Variants in MAGI1 observed in about 807,000 individuals in gnomAD.
MAGI1 encodes membrane-associated guanylate kinase, WW and PDZ domain-containing protein 1.
MAGI1 carries 58 observed loss-of-function variants against 139.9 expected under a neutral mutation model. The ratio of observed to expected loss-of-function variants is 0.41; its 90% CI spans 0.34 to 0.52. MAGI1 has a LOEUF of 0.52. MAGI1 is among the 20% of genes least tolerant of loss of function. The probability of loss-of-function intolerance (pLI) is 0.12; values close to 1 mark genes in which losing one functional copy is unlikely to be tolerated. For synonymous variants in MAGI1, 812 were observed against 737.9 expected (o/e 1.10, Z -1.63); for missense variants, 1,874 against 1,901.6 (o/e 0.99, Z 0.27).
intron 3 of MAGI1, 47 bp from the exon 4 acceptor site, chr3:65,478,845 G>T (rs1951063082): frequency 1.4e-6 from 2 of 1,443,384 alleles, no homozygotes; most frequent in Non-Finnish European, 1.9e-6. Flanking sequence ...GGAATACTTT[G>T]TGTTTTTTTT....
At chr3:65,463,768 G>T (rs761335003) in intron 5 of MAGI1, among the ~76,000 whole-genome samples, 1 of 151,978 alleles carries the variant, frequency 6.6e-6, no homozygotes, top group Non-Finnish European at 1.5e-5. Context: ...GGCTTTTTTT[G>T]GTTGGTAGGT....
At chr3:65,829,502 C>T (rs76165606) in intron 1 of MAGI1, among the ~76,000 whole-genome samples, 40 of 152,256 alleles carry the variant, frequency 2.6e-4, no homozygotes, top group Admixed American at 1.4e-3. Context: ...CAATCTATGA[C>T]GAAGAAGACC....
At chr3:65,504,506 G>C (rs890477328) in intron 2 of MAGI1, among the ~76,000 whole-genome samples, 19 of 152,256 alleles carry the variant, frequency 1.2e-4, no homozygotes, top group Admixed American at 9.2e-4. Flanking sequence ...CTTGAAACCA[G>C]GTTTTTGTTA....
chr3:65,941,052 T>A (rs2063290337), intron 1 of MAGI1, among the ~76,000 whole-genome samples: 1 of 152,154 alleles, frequency 6.6e-6, no homozygotes, highest in South Asian at 2.1e-4. Flanking sequence ...AGAATTATAA[T>A]TATATTGCCC....
intron 22 of MAGI1, 58 bp downstream of exon 22, chr3:65,361,141 A>G: frequency 6.2e-7 from 1 of 1,613,918 alleles, no homozygotes; most frequent in Middle Eastern, 1.6e-4. Flanking sequence ...GCCGTTCTGG[A>G]GACAAATTCA....
At chr3:65,925,200 G>A (rs892281992) in intron 1 of MAGI1, 1 of 152,170 alleles carries the variant, frequency 6.6e-6, no homozygotes, top group African/African-American at 2.4e-5. Flanking sequence ...CCAGATGCCT[G>A]TTTAAGTCAC....
At chr3:65,805,531 G>A (rs1018626556) in intron 1 of MAGI1, among the ~76,000 whole-genome samples, 10 of 152,176 alleles carry the variant, frequency 6.6e-5, no homozygotes, top group Admixed American at 6.5e-5. Context: ...ACAGTGTGGC[G>A]ATTCCTCAAG....
intron 1 of MAGI1, among the ~76,000 whole-genome samples, chr3:65,683,155 A>G (rs995721911): frequency 4.6e-5 from 7 of 152,168 alleles, no homozygotes; most frequent in African/African-American, 7.2e-5. Flanking sequence ...CAGGCCACAG[A>G]CCAGTACCAC....
intron 1 of MAGI1, among the ~76,000 whole-genome samples, chr3:65,803,004 A>T (rs756099873): frequency 1.1e-4 from 17 of 152,110 alleles, no homozygotes; most frequent in Admixed American, 1.1e-3. Context: ...ATGAAGAGAG[A>T]GAGAGGACAT....
chr3:65,979,791 A>T (rs1013958386), intron 1 of MAGI1, among the ~76,000 whole-genome samples: 1 of 152,212 alleles, frequency 6.6e-6, no homozygotes, highest in Non-Finnish European at 1.5e-5. Flanking sequence ...GTCGGGCTGC[A>T]TAGCTCAGAT....
At chr3:65,676,843 G>A (rs577707541) in intron 1 of MAGI1, among the ~76,000 whole-genome samples, 1 of 152,140 alleles carries the variant, frequency 6.6e-6, no homozygotes, top group South Asian at 2.1e-4. Flanking sequence ...TTTTCTGGAG[G>A]GACACTATTG....
chr3:66,007,255 A>C (rs1576439963), intron 1 of MAGI1, among the ~76,000 whole-genome samples: 1 of 152,310 alleles, frequency 6.6e-6, no homozygotes, highest in East Asian at 1.9e-4. Flanking sequence ...CTGCCTCGGT[A>C]GAACTTTATC....
At chr3:65,754,900 G>A (rs991425420) in intron 1 of MAGI1, among the ~76,000 whole-genome samples, 2 of 151,990 alleles carry the variant, frequency 1.3e-5, no homozygotes, top group Non-Finnish European at 2.9e-5. Context: ...GAAGGGGCTG[G>A]CCAATTAAAT....
intron 1 of MAGI1, among the ~76,000 whole-genome samples, chr3:65,875,941 C>T (rs2060099989): frequency 1.3e-5 from 2 of 152,060 alleles, no homozygotes; most frequent in African/African-American, 4.8e-5. Context: ...AACCAGTCCA[C>T]ATTAAAGCAA....
At chr3:65,643,881 C>A (rs1356293688) in intron 1 of MAGI1, among the ~76,000 whole-genome samples, 1 of 152,162 alleles carries the variant, frequency 6.6e-6, no homozygotes, top group East Asian at 1.9e-4. Context: ...CACCTAATCT[C>A]TGCTCCTCAT....
intron 1 of MAGI1, among the ~76,000 whole-genome samples, chr3:65,793,991 C>A (rs1290664431): frequency 6.6e-6 from 1 of 152,144 alleles, no homozygotes; most frequent in African/African-American, 2.4e-5. Context: ...TTATGTCAAA[C>A]CCACTGCCTT....
intron 8 of MAGI1, 130 bp downstream of exon 8, chr3:65,442,662 A>C: frequency 1.6e-6 from 1 of 612,260 alleles, no homozygotes; most frequent in East Asian, 2.7e-5. Flanking sequence ...ATATGCATAC[A>C]TATTTTCATC....
intron 1 of MAGI1, among the ~76,000 whole-genome samples, chr3:66,021,687 G>T (rs138279498): frequency 6.6e-6 from 1 of 152,146 alleles, no homozygotes; most frequent in Non-Finnish European, 1.5e-5. Context: ...GTCTGGGATG[G>T]GGTCTAGTAA....
intron 2 of MAGI1, among the ~76,000 whole-genome samples, chr3:65,533,428 G>C (rs1171520116): frequency 6.6e-6 from 1 of 152,184 alleles, no homozygotes; most frequent in Non-Finnish European, 1.5e-5. Flanking sequence ...AAGAAACTCA[G>C]ACTGTACCCG....
Sources: allele counts gnomAD v4.1 joint callset (sites outside exome capture counted in the v4.1 genomes callset), GRCh38; gene constraint gnomAD v4.1.1; transcripts MANE v1.5; gene names NCBI Gene and HGNC (gene_info 2026-07-23, HGNC 2026-07-21).